The following DCC variants were observed in gnomAD, a reference collection of about 807,000 sequenced individuals.
The protein encoded by DCC is DCC netrin 1 receptor, also known as netrin receptor DCC.
A neutral mutation model predicts 172.5 loss-of-function variants in DCC; 58 were observed. The ratio of observed to expected loss-of-function variants is 0.34; its 90% CI spans 0.27 to 0.42. DCC has a LOEUF of 0.42. DCC is among the 10% of genes least tolerant of loss of function. The pLI is 1.00. For synonymous variants in DCC, 709 were observed against 644.5 expected, an observed-to-expected ratio of 1.10 and a Z score of -1.52; for missense variants, 1,740 against 1,791.0, an observed-to-expected ratio of 0.97 and a Z score of 0.51.
At chr18:52,342,018 C>T (rs1365940233) in intron 1 of DCC, among the ~76,000 whole-genome samples, 2 of 152,136 alleles carry the variant, frequency 1.3e-5, no homozygotes, top group African/African-American at 4.8e-5. Flanking sequence ...CGCGGCCAAG[C>T]CCCCAGCCTC....
chr18:52,891,503 A>C (rs568329385), intron 2 of DCC, among the ~76,000 whole-genome samples: 1 of 152,238 alleles, frequency 6.6e-6, no homozygotes, highest in South Asian at 2.1e-4. Flanking sequence ...CTTGGGGGTC[A>C]ACCTCTCTAA....
At chr18:53,255,737 A>T (rs1598952113) in intron 12 of DCC, among the ~76,000 whole-genome samples, 2 of 152,226 alleles carry the variant, frequency 1.3e-5, no homozygotes, top group African/African-American at 4.8e-5. Context: ...CAGTAACGGG[A>T]TGGCTGAGTC....
At chr18:52,387,859 A>G (rs1186769414) in intron 1 of DCC, among the ~76,000 whole-genome samples, 7 of 152,060 alleles carry the variant, frequency 4.6e-5, no homozygotes, top group African/African-American at 1.7e-4. Flanking sequence ...TAGGAAAATA[A>G]TACACATTTA....
intron 19 of DCC, 70 bp downstream of exon 19, chr18:53,402,963 C>G: frequency 1.9e-6 from 2 of 1,059,180 alleles, no homozygotes; most frequent in South Asian, 2.5e-5. Flanking sequence ...CCTACATGAG[C>G]TGCTCCTGCC....
chr18:53,479,603 C>A (rs767645505), intron 25 of DCC, among the ~76,000 whole-genome samples: 46 of 152,046 alleles, frequency 3.0e-4, no homozygotes, highest in Non-Finnish European at 5.3e-4. Flanking sequence ...AGAATTGTAT[C>A]TTTTGGGAGG....
chr18:53,300,507 C>T (rs958179009), intron 12 of DCC, among the ~76,000 whole-genome samples: 5 of 152,040 alleles, frequency 3.3e-5, no homozygotes, highest in East Asian at 1.9e-4. Flanking sequence ...AAGAAGGCTG[C>T]GATCTGCCTT....
chr18:52,779,551 C>A (rs1027381980), intron 2 of DCC, among the ~76,000 whole-genome samples: 7 of 152,144 alleles, frequency 4.6e-5, no homozygotes, highest in Admixed American at 4.6e-4. Context: ...TCCAGCTTAT[C>A]ATTGATTAAC....
intron 1 of DCC, among the ~76,000 whole-genome samples, chr18:52,433,314 A>G (rs897355715): frequency 3.9e-5 from 6 of 152,198 alleles, no homozygotes; most frequent in African/African-American, 1.4e-4. Context: ...TACAGTACTC[A>G]CATTGCTTTC....
chr18:53,031,155 A>G (rs2042020786), intron 5 of DCC, among the ~76,000 whole-genome samples: 1 of 152,178 alleles, frequency 6.6e-6, no homozygotes, highest in Non-Finnish European at 1.5e-5. Flanking sequence ...GCTACTTGGG[A>G]GGCTGAGGCC....
chr18:53,501,587 TAA>T (rs1190397876), intron 27 of DCC, among the ~76,000 whole-genome samples: 1 of 152,196 alleles, frequency 6.6e-6, no homozygotes, highest in African/African-American at 2.4e-5. Context: ...TATTCTATAG[TAA>T]AGAGGACCAA....
At chr18:52,505,335 A>G (rs2031191039) in intron 1 of DCC, among the ~76,000 whole-genome samples, 2 of 152,136 alleles carry the variant, frequency 1.3e-5, no homozygotes, top group Non-Finnish European at 2.9e-5. Context: ...TATTTCCACA[A>G]TTTTGATCTC....
intron 9 of DCC, among the ~76,000 whole-genome samples, chr18:53,198,550 T>C (rs752158453): frequency 3.3e-5 from 5 of 152,264 alleles, no homozygotes; most frequent in African/African-American, 4.8e-5. Context: ...GGCTAACTTT[T>C]ATATGCCGTT....
rs1568268553 is a variant in DCC at position 53,047,479 on chromosome 18, AGGAATCTTTTT to A, written c.986-15825_986-15815del. Among the ~76,000 whole-genome samples, 68 of 63,908 alleles carry A rather than the reference AGGAATCTTTTT, an allele frequency of 1.1e-3. 3 individuals carry two copies. Among genetic ancestry groups the A allele is most frequent in the African/African-American group, 1.7e-3 (27 of 15,644 alleles). The allele number at this position is 63,908 out of a possible 152,430, so 41.9% of individuals were successfully genotyped here. A position where few individuals can be genotyped will look rare whatever the true frequency, so the allele number is the denominator to read the frequency against. ...TATATATATACCATTTTTGCTATTG[AGGAATCTTTTT>A]TTTATTAAACTGAGAAGTCATATAT... is the stretch of plus-strand genomic sequence containing the variant. On this transcript the variant is annotated intron_variant, in intron 5 of 28. Coordinates refer to ENST00000442544, the MANE Select transcript of DCC (RefSeq NM_005215.4).
At chr18:53,526,517 TA>T (rs1307853078) in intron 27 of DCC, 99 bp from the exon 28 acceptor site, 3 of 1,303,100 alleles carry the variant, frequency 2.3e-6, no homozygotes, top group East Asian at 2.3e-5. Context: ...AGCAATAACC[TA>T]AAATCAATGC....
chr18:53,506,020 C>T (rs913776688), intron 27 of DCC, among the ~76,000 whole-genome samples: 1 of 152,128 alleles, frequency 6.6e-6, no homozygotes, highest in Admixed American at 6.5e-5. Flanking sequence ...TTATAGTTTA[C>T]AGAGGACATT....
At chr18:53,264,879 A>G (rs1416995372) in intron 12 of DCC, among the ~76,000 whole-genome samples, 1 of 152,170 alleles carries the variant, frequency 6.6e-6, no homozygotes, top group Non-Finnish European at 1.5e-5. Context: ...CTACTTTCAA[A>G]AAAGATTCTT....
chr18:53,450,411 A>G, intron 22 of DCC, 89 bp from the exon 23 acceptor site: 1 of 1,465,578 alleles, frequency 6.8e-7, no homozygotes, highest in Non-Finnish European at 9.5e-7. Flanking sequence ...AGCCCAGAAC[A>G]TTAGGAACTT....
intron 1 of DCC, among the ~76,000 whole-genome samples, chr18:52,433,578 A>G (rs574899396): frequency 6.6e-6 from 1 of 152,214 alleles, no homozygotes; most frequent in Non-Finnish European, 1.5e-5. Context: ...AGAAACACAT[A>G]ATGGGAACCA....
intron 5 of DCC, among the ~76,000 whole-genome samples, chr18:53,026,113 G>T (rs2041952148): frequency 6.6e-6 from 1 of 151,794 alleles, no homozygotes. Flanking sequence ...AAAAACTGAA[G>T]TCCTCCCCTA....
Sources: gnomAD v4.1 joint callset for allele counts (sites outside exome capture counted in the v4.1 genomes callset) on GRCh38, gnomAD v4.1.1 for gene constraint, MANE v1.5 for transcripts, NCBI Gene and HGNC (gene_info 2026-07-23, HGNC 2026-07-21) for gene names.